Variants in RMC1 observed in about 807,000 individuals in gnomAD.
RMC1 encodes regulator of MON1-CCZ1 complex.
RMC1 carries 44 observed loss-of-function variants against 95.5 expected under a neutral mutation model. The observed-to-expected ratio is 0.46, with a 90% CI of 0.36 to 0.59. The LOEUF is 0.59. RMC1 is among the 20% of genes least tolerant of loss of function. The pLI is 0.00. For synonymous variants in RMC1, 320 were observed against 303.6 expected (o/e 1.05, Z -0.56); for missense variants, 705 against 819.6 (o/e 0.86, Z 1.71).
rs2058239125 is a variant in RMC1, at chr18:23,524,606, A to C, written c.1060+124A>C. The C allele has an allele frequency of 4.1e-6, 4 of 965,688 alleles. No homozygotes were observed. In the Admixed American group the frequency reaches 6.9e-5, roughly 17 times the overall value. 59.8% of individuals were successfully genotyped at this position (965,688 alleles called of 1,614,324 possible). A position where few individuals can be genotyped will look rare whatever the true frequency, so the allele number is the denominator to read the frequency against. ...ATGACCCCTCCTTTCAAGCGTGGGA[A>C]TGGGATTTTTTTTTTTCACTTTATA... On this transcript the variant is annotated intron_variant, in intron 12 of 19. Coordinates refer to ENST00000269221, the MANE Select transcript of RMC1 (RefSeq NM_013326.5).
At chr18:23,530,161 T>C (rs1389520232) in intron 17 of RMC1, 29 bp downstream of exon 17, 4 of 1,613,680 alleles carry the variant, frequency 2.5e-6, no homozygotes, top group South Asian at 1.1e-5. Flanking sequence ...TTACTTCCAT[T>C]GTGGTTAAAA....
At chr18:23,519,584 T>C (rs972409679) in intron 9 of RMC1, among the ~76,000 whole-genome samples, 17 of 152,140 alleles carry the variant, frequency 1.1e-4, no homozygotes, top group Non-Finnish European at 1.8e-4. Context: ...TGCTAAGAGT[T>C]TTGGTCTTCC....
chr18:23,526,515 C>T lies in RMC1; in HGVS notation c.1061-122C>T, dbSNP rs2058301880. On this transcript the variant is annotated intron_variant, in intron 12 of 19. Coordinates refer to ENST00000269221, the MANE Select transcript of RMC1 (RefSeq NM_013326.5). Reference sequence around the variant, plus strand: ...GGTTAGGAAGGAAAAGCTACACTGACTGTACTTTGCGGCTTTTTATCACCA... The same window carrying T: ...GGTTAGGAAGGAAAAGCTACACTGATTGTACTTTGCGGCTTTTTATCACCA... 3 of 1,166,900 alleles carry T rather than the reference C, an allele frequency of 2.6e-6. No individual in the cohort carries two copies. The East Asian group carries it at 7.4e-5, about 29-fold the overall frequency. 72.3% of individuals were successfully genotyped at this position (1,166,900 alleles called of 1,614,324 possible).
At chr18:23,515,041 G>A (rs1194558996) in intron 5 of RMC1, among the ~76,000 whole-genome samples, 1 of 152,132 alleles carries the variant, frequency 6.6e-6, no homozygotes, top group Non-Finnish European at 1.5e-5. Context: ...CCCAGGCCCA[G>A]TGTAGACTGG....
chr18:23,529,324 T>C, intron 15 of RMC1, 26 bp downstream of exon 15: 2 of 1,596,526 alleles, frequency 1.3e-6, no homozygotes, highest in Non-Finnish European at 1.7e-6. Context: ...CCGCCTCTTC[T>C]GGACTGAGAA....
chr18:23,526,905 G>A, intron 13 of RMC1, 140 bp downstream of exon 13: 1 of 1,136,980 alleles, frequency 8.8e-7, no homozygotes, highest in South Asian at 1.6e-5. Context: ...GTGGCTATGT[G>A]ACCCCCTAGG....
At chr18:23,525,407 C>T (rs1452281296) in intron 12 of RMC1, among the ~76,000 whole-genome samples, 4 of 151,942 alleles carry the variant, frequency 2.6e-5, no homozygotes, top group Non-Finnish European at 5.9e-5. Context: ...ATCACCACGC[C>T]CAGTTAATTT....
intron 1 of RMC1, 112 bp downstream of exon 1, chr18:23,503,832 C>G (rs1022836675): frequency 3.5e-5 from 32 of 906,810 alleles, no homozygotes; most frequent in Admixed American, 8.4e-5. Flanking sequence ...TGTCCCGTCC[C>G]GTCCCAGCGC....
chr18:23,503,707 A>G lies in RMC1; in HGVS notation c.89A>G (p.Glu30Gly). ...CCTGTCAACTGCGTCTTCTTCGATG[A>G]GGCCAACAAGCAGGTCCGGCGCGCC... The part of the protein sequence containing the change: ...ANPVNCVFFD[E>G]ANKQVFAVRS... Residue 30 changes from glutamate (E) to glycine (G), a missense_variant, in exon 1 of 20, where the codon GAG becomes GGG. Glu to Gly is a moderately conservative substitution (Grantham distance 98). Transcript: ENST00000269221. The G allele has an allele frequency of 1.3e-6, 2 of 1,589,764 alleles. No individual in the cohort carries two copies. Among genetic ancestry groups the G allele is most frequent in the Non-Finnish European group, 8.6e-7 (1 of 1,168,850 alleles).
At chr18:23,519,752 G>C (rs1028954800) in intron 9 of RMC1, among the ~76,000 whole-genome samples, 3 of 152,212 alleles carry the variant, frequency 2.0e-5, no homozygotes, top group Non-Finnish European at 1.5e-5. Context: ...TGAACTCTCT[G>C]TTGCAATTGT....
chr18:23,525,045 C>G (rs1173884420), intron 12 of RMC1, among the ~76,000 whole-genome samples: 8 of 137,224 alleles, frequency 5.8e-5, no homozygotes, highest in Non-Finnish European at 1.2e-4. Flanking sequence ...CTCCCGGGTT[C>G]AAGCGATTCT....
chr18:23,528,999 C>T, intron 14 of RMC1, 180 bp from the exon 15 acceptor site: 1 of 955,892 alleles, frequency 1.0e-6, no homozygotes, highest in Non-Finnish European at 1.5e-6. Context: ...CCTGCCTCAG[C>T]CTCCTGAGTA....
intron 9 of RMC1, 27 bp from the exon 10 acceptor site, chr18:23,520,175 C>T (rs951829510): frequency 9.6e-6 from 15 of 1,565,986 alleles, no homozygotes; most frequent in Admixed American, 1.7e-5. Context: ...TTGATTTTGG[C>T]CTCAGTCTTG....
rs573154678 is a variant in RMC1 at position 23,506,315 on chromosome 18, G to A, written c.180-655G>A. 2.0e-5 allele frequency: 3 copies of A among 151,742 alleles called. No individual in the cohort carries two copies. The South Asian group carries it at 6.3e-4, about 32-fold the overall frequency. 9.4% of individuals were successfully genotyped at this position (151,742 alleles called of 1,614,324 possible). ...TCACCACAATCAAGGCAATGAACAT[G>A]TTCAGACCCCGAAAAGTTTCCTTGG... On this transcript the variant is annotated intron_variant, in intron 2 of 19. Transcript: ENST00000269221.
intron 10 of RMC1, chr18:23,522,334 C>T (rs2058163761): frequency 6.6e-6 from 1 of 152,052 alleles, no homozygotes; most frequent in Non-Finnish European, 1.5e-5. Context: ...ATGAAGGTAA[C>T]TGCTGGTGAA....
Position 23,503,613 on chromosome 18 carries a change from C to G in RMC1, c.-6C>G, listed in dbSNP as rs746919347. The G allele has an allele frequency of 5.8e-6, 9 of 1,547,104 alleles. No homozygotes were observed. The Admixed American group carries it at 1.3e-4, about 23-fold the overall frequency. ...CGGGGCCCCCGCCGCGGGCGCGGCG[C>G]CCGCCATGGGCGAGGAGGACTACTA... On this transcript the variant is annotated 5_prime_UTR_variant, in exon 1 of 20. Transcript: ENST00000269221.
At chr18:23,516,581 A>G (rs2058011627) in intron 7 of RMC1, among the ~76,000 whole-genome samples, 158 bp downstream of exon 7, 1 of 152,212 alleles carries the variant, frequency 6.6e-6, no homozygotes, top group Admixed American at 6.5e-5. Flanking sequence ...TCCTGTGAAC[A>G]TAGAAAACCT....
At position 23,509,176 on chromosome 18, in the gene RMC1, T is replaced by TA. The variant is rs775415691; in HGVS notation, c.322-11dup. ...TTTTCTTATTAATTAAAAATATTTT[T>TA]AAAAAATTTTTCTTAGACTAAGAAT... On this transcript the variant is annotated splice_polypyrimidine_tract_variant and intron_variant, in intron 4 of 19. Transcript: ENST00000269221. 22 of 1,190,562 alleles carry TA rather than the reference T, an allele frequency of 1.8e-5. No homozygotes were observed. The highest frequency in any genetic ancestry group is 9.6e-5 in the South Asian group (4 of 41,544). 73.7% of individuals were successfully genotyped at this position (1,190,562 alleles called of 1,614,324 possible). A position where few individuals can be genotyped will look rare whatever the true frequency, so the allele number is the denominator to read the frequency against.
At chr18:23,515,537 T>C (rs1347477791) in intron 5 of RMC1, among the ~76,000 whole-genome samples, 1 of 152,214 alleles carries the variant, frequency 6.6e-6, no homozygotes, top group Non-Finnish European at 1.5e-5. Context: ...TATTGATTTA[T>C]TTATTAATTG....
Sources: allele counts gnomAD v4.1 joint callset (sites outside exome capture counted in the v4.1 genomes callset), GRCh38; gene constraint gnomAD v4.1.1; transcripts MANE v1.5; gene names NCBI Gene and HGNC (gene_info 2026-07-23, HGNC 2026-07-21).